TMEM132D: variants seen among roughly 807,000 people sequenced by gnomAD.
The protein encoded by TMEM132D is transmembrane protein 132D.
Under a neutral mutation model 62.3 loss-of-function variants are expected in TMEM132D, and 21 were observed. That is an observed-to-expected ratio of 0.34 (90% CI 0.24 to 0.49). TMEM132D has a LOEUF of 0.49. Among genes scored for constraint, TMEM132D ranks in the 20% least tolerant of loss-of-function variants. The pLI, the probability that TMEM132D is intolerant of heterozygous loss-of-function variation, is 0.99. For missense variants in TMEM132D, 1,346 were observed against 1,402.8 expected (o/e 0.96, Z 0.65); for synonymous variants, 621 against 575.6 (o/e 1.08, Z -1.13).
At chr12:129,122,208 A>G (rs1055573200) in intron 5 of TMEM132D, among the ~76,000 whole-genome samples, 17 of 152,170 alleles carry the variant, frequency 1.1e-4, no homozygotes, top group African/African-American at 3.9e-4. Context: ...GCCCTTGCAG[A>G]GCTCACCTTC....
intron 3 of TMEM132D, among the ~76,000 whole-genome samples, chr12:129,515,186 A>G (rs1312637158): frequency 1.3e-5 from 2 of 152,214 alleles, no homozygotes; most frequent in African/African-American, 4.8e-5. Flanking sequence ...CTTTCCCAGA[A>G]GAAACCAGGC....
chr12:129,239,147 T>C (rs1309917816), intron 4 of TMEM132D, among the ~76,000 whole-genome samples: 2 of 152,196 alleles, frequency 1.3e-5, no homozygotes, highest in African/African-American at 2.4e-5. Flanking sequence ...TTTGGAGAAA[T>C]GTCTGTTCAT....
chr12:129,615,286 C>T (rs1878883059), intron 2 of TMEM132D, among the ~76,000 whole-genome samples: 1 of 152,140 alleles, frequency 6.6e-6, no homozygotes, highest in South Asian at 2.1e-4. Flanking sequence ...TCCACAGCAA[C>T]CTCATCATCA....
intron 4 of TMEM132D, among the ~76,000 whole-genome samples, chr12:129,286,203 T>G (rs1483465672): frequency 6.6e-6 from 1 of 152,164 alleles, no homozygotes. Context: ...CAATCTACTT[T>G]AGATCATTAT....
intron 3 of TMEM132D, among the ~76,000 whole-genome samples, chr12:129,399,721 T>A (rs1419856621): frequency 6.6e-6 from 1 of 151,848 alleles, no homozygotes; most frequent in East Asian, 1.9e-4. Context: ...GAATAAGATA[T>A]GCAGTTCTAC....
intron 3 of TMEM132D, among the ~76,000 whole-genome samples, chr12:129,529,397 A>C (rs1248218704): frequency 1.3e-5 from 2 of 152,262 alleles, no homozygotes; most frequent in East Asian, 3.8e-4. Context: ...CTCTGGAACT[A>C]TAAAAAGGCA....
intron 3 of TMEM132D, among the ~76,000 whole-genome samples, chr12:129,428,380 GA>G (rs1371742288): frequency 6.6e-6 from 1 of 152,206 alleles, no homozygotes; most frequent in Non-Finnish European, 1.5e-5. Flanking sequence ...ATCAAGGCTG[GA>G]GTGTGAAATT....
intron 1 of TMEM132D, among the ~76,000 whole-genome samples, chr12:129,806,907 A>C (rs1454518776): frequency 1.3e-5 from 2 of 151,884 alleles, no homozygotes; most frequent in African/African-American, 4.8e-5. Flanking sequence ...GGTGGCACAC[A>C]CCTGTAGTCC....
intron 4 of TMEM132D, among the ~76,000 whole-genome samples, chr12:129,236,514 C>CAAAAAAAAAA (rs60745384): frequency 3.0e-5 from 2 of 67,048 alleles, no homozygotes; most frequent in African/African-American, 1.1e-4. Flanking sequence ...GACTCCATCT[C>CAAAAAAAAAA]AAAAAAAAAA....
intron 1 of TMEM132D, among the ~76,000 whole-genome samples, chr12:129,754,745 T>C (rs1465519984): frequency 6.6e-6 from 1 of 152,180 alleles, no homozygotes; most frequent in Non-Finnish European, 1.5e-5. Flanking sequence ...TTCATTACAT[T>C]AAGGCAGTTA....
intron 3 of TMEM132D, among the ~76,000 whole-genome samples, chr12:129,421,215 A>G (rs1451010945): frequency 6.6e-6 from 1 of 152,128 alleles, no homozygotes; most frequent in Non-Finnish European, 1.5e-5. Flanking sequence ...CGCCTGCCTC[A>G]GCCTCCCAAA....
chr12:129,074,594 T>C lies in TMEM132D; in HGVS notation c.2581A>G (p.Ile861Val), dbSNP rs1430708082. 6.2e-7 allele frequency: 1 copy of C among 1,614,002 alleles called. No homozygotes were observed. Among genetic ancestry groups the C allele is most frequent in the African/African-American group, 1.3e-5 (1 of 74,884 alleles). The change falls in exon 9 of 9, where the codon ATC becomes GTC. Residue 861 changes from isoleucine to valine, a missense_variant. Transcript: ENST00000422113. ...TCCTGGCCTTTCTTCTTCTGCAGGA[T>C]GGACCTGTCTGTCGTGGTGCCCCGT... ...EGRGTTTDRS[I>V]LQKKKGQESL... is the part of the protein sequence containing the mutation.
intron 5 of TMEM132D, among the ~76,000 whole-genome samples, chr12:129,202,323 C>T (rs150329593): frequency 8.5e-4 from 129 of 152,306 alleles, no homozygotes; most frequent in African/African-American, 3.0e-3. Flanking sequence ...CCAAATGACA[C>T]CAACACATCA....
chr12:129,241,792 T>C (rs1879945284), intron 4 of TMEM132D, among the ~76,000 whole-genome samples: 1 of 152,240 alleles, frequency 6.6e-6, no homozygotes. Context: ...TTTGTTTACA[T>C]TTTGATAACA....
intron 5 of TMEM132D, among the ~76,000 whole-genome samples, chr12:129,102,391 T>C (rs552544892): frequency 6.7e-6 from 1 of 150,212 alleles, no homozygotes; most frequent in Non-Finnish European, 1.5e-5. Context: ...GACACATGCA[T>C]ACACACACAA....
At chr12:129,650,845 C>T (rs1189447445) in intron 2 of TMEM132D, among the ~76,000 whole-genome samples, 1 of 152,138 alleles carries the variant, frequency 6.6e-6, no homozygotes, top group East Asian at 1.9e-4. Flanking sequence ...GTGATGGTAA[C>T]TTTTGAACCA....
chr12:129,153,741 T>A (rs569911313), intron 5 of TMEM132D, among the ~76,000 whole-genome samples: 76 of 152,210 alleles, frequency 5.0e-4, no homozygotes, highest in Non-Finnish European at 8.8e-4. Flanking sequence ...GGGGCTCAGG[T>A]GTGCATCAGT....
intron 1 of TMEM132D, among the ~76,000 whole-genome samples, chr12:129,713,765 A>G (rs1156368730): frequency 6.6e-6 from 1 of 152,156 alleles, no homozygotes; most frequent in Non-Finnish European, 1.5e-5. Flanking sequence ...ATTGGCCTAC[A>G]TGTGACTCAT....
In TMEM132D at chr12:129,699,847, T is replaced by C; in HGVS notation, c.931A>G (p.Ile311Val). The change falls in exon 2 of 9, where the codon ATC (isoleucine) becomes GTC (valine). Residue 311 changes from isoleucine (I) to valine (V), a missense_variant. Ile to Val is a conservative substitution (Grantham distance 29, BLOSUM62 3). Transcript: ENST00000422113. ...CGATCTTCAGTGGAATTTCTGGAGA[T>C]GGAAACAGGAAAAGTCAGCACGTCT... ...KGDVLTFPVS[I>V]SRNSTEDRFT... 1 of 1,614,160 alleles carries C rather than the reference T, an allele frequency of 6.2e-7. No homozygotes were observed. The highest frequency in any genetic ancestry group is 8.5e-7 in the Non-Finnish European group (1 of 1,180,032).
Sources: allele counts gnomAD v4.1 joint callset (sites outside exome capture counted in the v4.1 genomes callset), GRCh38; gene constraint gnomAD v4.1.1; transcripts MANE v1.5; gene names NCBI Gene and HGNC (gene_info 2026-07-23, HGNC 2026-07-21).